The following LRRTM4 variants were observed in gnomAD, a reference collection of about 807,000 sequenced individuals.
LRRTM4 encodes the protein leucine-rich repeat transmembrane neuronal protein 4.
A neutral mutation model predicts 47.6 loss-of-function variants in LRRTM4; 25 were observed. The observed-to-expected ratio is 0.53, with a 90% CI of 0.38 to 0.73. LRRTM4 has a LOEUF of 0.73. Among genes scored for constraint, LRRTM4 ranks in the 30% least tolerant of loss-of-function variants. LRRTM4 has a pLI of 0.00. For missense variants in LRRTM4, 638 were observed against 713.4 expected (o/e 0.89, Z 1.20); for synonymous variants, 311 against 269.5 (o/e 1.15, Z -1.51).
At position 77,507,665 on chromosome 2, in the gene LRRTM4, G is replaced by C. The variant is rs1459451689; in HGVS notation, c.1551+10653C>G. ...AAAGGAAAAAAGAAAAGAAATTCTA[G>C]TTAGAATACCACACGCCACGCCCCA... On this transcript the variant is annotated intron_variant, in intron 3 of 3. Coordinates refer to ENST00000409884, the MANE Select transcript of LRRTM4 (RefSeq NM_001134745.3). Among the ~76,000 whole-genome samples, 5 of 152,010 alleles carry C rather than the reference G, an allele frequency of 3.3e-5. No homozygotes were observed. In the East Asian group the frequency reaches 9.7e-4, roughly 30 times the overall value.
chr2:77,193,913 T>A (rs1217171207), intron 3 of LRRTM4, among the ~76,000 whole-genome samples: 2 of 152,220 alleles, frequency 1.3e-5, no homozygotes, highest in African/African-American at 4.8e-5. Flanking sequence ...AGTGACTATG[T>A]CAGAAAGCTT....
chr2:76,795,174 C>T (rs1360277161), intron 3 of LRRTM4, among the ~76,000 whole-genome samples: 1 of 151,668 alleles, frequency 6.6e-6, no homozygotes, highest in Non-Finnish European at 1.5e-5. Flanking sequence ...GATCAGCAAA[C>T]ATAGAAAAAG....
intron 3 of LRRTM4, among the ~76,000 whole-genome samples, chr2:76,797,090 G>C (rs539717583): frequency 6.6e-6 from 1 of 151,950 alleles, no homozygotes; most frequent in Non-Finnish European, 1.5e-5. Context: ...GCAGGCCAAC[G>C]TTCAGATTCA....
At chr2:76,993,295 C>G (rs1677078571) in intron 3 of LRRTM4, among the ~76,000 whole-genome samples, 1 of 151,648 alleles carries the variant, frequency 6.6e-6, no homozygotes, top group Admixed American at 6.6e-5. Flanking sequence ...GGAGCTTTTG[C>G]ACAGGATAAA....
intron 3 of LRRTM4, among the ~76,000 whole-genome samples, chr2:77,179,500 G>C (rs887771957): frequency 2.6e-5 from 4 of 152,108 alleles, no homozygotes; most frequent in Non-Finnish European, 5.9e-5. Context: ...TGACTGACAG[G>C]CATTACATTG....
rs921487780 is a variant in LRRTM4, at chr2:77,095,893, A to G, written c.1552-346977T>C. On this transcript the variant is annotated intron_variant, in intron 3 of 3. Transcript: ENST00000409884. Reference sequence around the variant, plus strand: ...GTGAGAAAGGGATTGATGGAGAAAGAGATGTTTATCGGATAGTACAAAGTC... The same window carrying G: ...GTGAGAAAGGGATTGATGGAGAAAGGGATGTTTATCGGATAGTACAAAGTC... Among the ~76,000 whole-genome samples the G allele has an allele frequency of 5.3e-5, 8 of 152,270 alleles. No individual in the cohort carries two copies. In the South Asian group the frequency reaches 1.7e-3, roughly 32 times the overall value.
intron 3 of LRRTM4, among the ~76,000 whole-genome samples, chr2:77,514,423 G>T (rs1679134267): frequency 1.3e-5 from 2 of 152,132 alleles, no homozygotes; most frequent in Middle Eastern, 3.4e-3. Flanking sequence ...ATAAATAAAA[G>T]TTGTTAGAAA....
chr2:77,022,559 A>C (rs1398625603), intron 3 of LRRTM4, among the ~76,000 whole-genome samples: 1 of 152,186 alleles, frequency 6.6e-6, no homozygotes, highest in Non-Finnish European at 1.5e-5. Flanking sequence ...GATACAATGG[A>C]GGTACAGATA....
chr2:77,306,783 T>A (rs1174645067), intron 3 of LRRTM4, among the ~76,000 whole-genome samples: 1 of 151,910 alleles, frequency 6.6e-6, no homozygotes, highest in Non-Finnish European at 1.5e-5. Flanking sequence ...AAAAGTTAAA[T>A]GCCAGTAAAT....
intron 3 of LRRTM4, among the ~76,000 whole-genome samples, chr2:77,310,478 G>A (rs1677421205): frequency 6.6e-6 from 1 of 152,154 alleles, no homozygotes; most frequent in African/African-American, 2.4e-5. Context: ...GAGCTTGCCA[G>A]CCTCACGGAC....
chr2:76,795,531 T>TAC (rs1675241085), intron 3 of LRRTM4, among the ~76,000 whole-genome samples: 1 of 152,028 alleles, frequency 6.6e-6, no homozygotes, highest in African/African-American at 2.4e-5. Flanking sequence ...ACTACATATA[T>TAC]ACCATATGCA....
At chr2:76,938,274 G>A (rs1195737705) in intron 3 of LRRTM4, among the ~76,000 whole-genome samples, 2 of 152,016 alleles carry the variant, frequency 1.3e-5, no homozygotes, top group East Asian at 3.9e-4. Context: ...GCATCATTTG[G>A]TCCTAACTGT....
Position 77,151,235 on chromosome 2 carries a change from G to T in LRRTM4, c.1551+367083C>A, listed in dbSNP as rs565641054. The stretch of plus-strand genomic sequence containing the variant: ...GAGTACACAATACCATATTGTTAAT[G>T]GTAAGTACTATGTTGTACAGTAGAC... On this transcript the variant is annotated intron_variant, in intron 3 of 3. Transcript: ENST00000409884. Among the ~76,000 whole-genome samples the T allele has an allele frequency of 2.0e-5, 3 of 151,952 alleles. No individual in the cohort carries two copies. The East Asian group carries it at 5.8e-4, about 29-fold the overall frequency.
chr2:77,241,764 T>G (rs1257213863), intron 3 of LRRTM4, among the ~76,000 whole-genome samples: 5 of 152,130 alleles, frequency 3.3e-5, no homozygotes, highest in African/African-American at 1.2e-4. Flanking sequence ...AAATCTTTTC[T>G]CCTATATTTT....
chr2:77,161,545 G>A lies in LRRTM4; in HGVS notation c.1551+356773C>T, dbSNP rs143035798. ...GCAGCAGGCAAAAACCTGGTCAGGT[G>A]GTAACAGCTTTTCTTCCTTAATAAT... On this transcript the variant is annotated intron_variant, in intron 3 of 3. Coordinates refer to ENST00000409884, the MANE Select transcript of LRRTM4 (RefSeq NM_001134745.3). 1.2e-4 allele frequency among the ~76,000 whole-genome samples: 19 copies of A among 152,136 alleles called. No homozygotes were observed. In the East Asian group the frequency reaches 3.7e-3, roughly 29 times the overall value.
intron 3 of LRRTM4, among the ~76,000 whole-genome samples, chr2:77,107,722 G>A (rs1010246972): frequency 6.6e-6 from 1 of 150,578 alleles, no homozygotes; most frequent in African/African-American, 2.5e-5. Context: ...GGAGGCTGAG[G>A]CAGGAGAATT....
chr2:77,480,113 G>A (rs1168592951), intron 3 of LRRTM4, among the ~76,000 whole-genome samples: 1 of 152,084 alleles, frequency 6.6e-6, no homozygotes, highest in Admixed American at 6.5e-5. Context: ...ATGTCAGAGA[G>A]AGATGGGGTC....
intron 3 of LRRTM4, among the ~76,000 whole-genome samples, chr2:77,228,739 A>T (rs1291980272): frequency 1.3e-5 from 2 of 152,210 alleles, no homozygotes; most frequent in African/African-American, 2.4e-5. Flanking sequence ...CCTTGTTCAT[A>T]TCAGGAGAAG....
intron 3 of LRRTM4, among the ~76,000 whole-genome samples, chr2:76,893,363 G>A (rs576431415): frequency 2.0e-5 from 3 of 151,694 alleles, no homozygotes; most frequent in South Asian, 2.1e-4. Context: ...TTTAGTAGAA[G>A]TGGACACATT....
Sources: allele counts gnomAD v4.1 joint callset (sites outside exome capture counted in the v4.1 genomes callset), GRCh38; gene constraint gnomAD v4.1.1; transcripts MANE v1.5; gene names NCBI Gene and HGNC (gene_info 2026-07-23, HGNC 2026-07-21).